Variants in LIPK observed in about 807,000 individuals in gnomAD.
LIPK encodes lipase family member K.
LIPK carries 32 observed loss-of-function variants against 48.6 expected under a neutral mutation model. The ratio of observed to expected loss-of-function variants is 0.66; its 90% confidence interval spans 0.50 to 0.88. The LOEUF (loss-of-function observed/expected upper bound fraction) is 0.88, where lower values mean the gene tolerates loss of function less well. Among genes scored for constraint, LIPK ranks in the 40% least tolerant of loss-of-function variants. LIPK has a pLI of 0.00. For missense variants in LIPK, 507 were observed against 478.5 expected (o/e 1.06, Z -0.56); for synonymous variants, 164 against 157.4 (o/e 1.04, Z -0.32).
At chr10:88,747,547 ACT>A (rs942681509) in intron 9 of LIPK, among the ~76,000 whole-genome samples, 11 of 152,096 alleles carry the variant, frequency 7.2e-5, no homozygotes, top group African/African-American at 2.4e-4. Flanking sequence ...CACAGAAAAG[ACT>A]CTTAAGAAAA....
chr10:88,726,943 T>C (rs1443842397), intron 3 of LIPK, 31 bp downstream of exon 3: 5 of 1,297,542 alleles, frequency 3.9e-6, no homozygotes, highest in Non-Finnish European at 5.5e-6. Context: ...AAAGGAAAAA[T>C]ACTTAAAGCA....
At chr10:88,709,872 C>T (rs936360634) in intron 1 of LIPK, among the ~76,000 whole-genome samples, 1 of 152,024 alleles carries the variant, frequency 6.6e-6, no homozygotes, top group Admixed American at 6.6e-5. Context: ...GGAGACCCTG[C>T]TTCAAACCAG....
At chr10:88,739,905 GA>G (rs1842646199) in intron 7 of LIPK, 90 bp from the exon 8 acceptor site, 1 of 718,096 alleles carries the variant, frequency 1.4e-6, no homozygotes, top group African/African-American at 1.8e-5. Flanking sequence ...GGGAAAAGAG[GA>G]AAAGAAGAAA....
At chr10:88,746,146 C>T (rs1842762227) in intron 9 of LIPK, among the ~76,000 whole-genome samples, 1 of 152,108 alleles carries the variant, frequency 6.6e-6, no homozygotes, top group Non-Finnish European at 1.5e-5. Flanking sequence ...TAGAGACCTA[C>T]AAAGAGACTT....
At chr10:88,747,110 G>C (rs1347981436) in intron 9 of LIPK, among the ~76,000 whole-genome samples, 1 of 152,088 alleles carries the variant, frequency 6.6e-6, no homozygotes, top group Non-Finnish European at 1.5e-5. Context: ...TTCCAAAACT[G>C]AATCAGTACT....
intron 7 of LIPK, 128 bp from the exon 8 acceptor site, chr10:88,739,868 A>AAAATAT: frequency 1.8e-6 from 1 of 543,802 alleles, no homozygotes; most frequent in Non-Finnish European, 3.1e-6. Context: ...AATAAAAATA[A>AAAATAT]AAATAAAAAT....
At chr10:88,738,385 A>G (rs1590154331) in intron 7 of LIPK, among the ~76,000 whole-genome samples, 1 of 152,104 alleles carries the variant, frequency 6.6e-6, no homozygotes, top group Non-Finnish European at 1.5e-5. Context: ...AACCAGAAGT[A>G]GGATAAGGCT....
intron 3 of LIPK, among the ~76,000 whole-genome samples, chr10:88,730,456 T>A (rs1375173629): frequency 6.6e-6 from 1 of 151,896 alleles, no homozygotes; most frequent in East Asian, 1.9e-4. Flanking sequence ...GCCCGGCTAG[T>A]TTTTTTGTAT....
intron 6 of LIPK, among the ~76,000 whole-genome samples, chr10:88,736,269 T>C (rs1448467325): frequency 6.6e-6 from 1 of 152,096 alleles, no homozygotes; most frequent in East Asian, 1.9e-4. Context: ...GTTCAAACCA[T>C]ACTTCTCAAT....
intron 6 of LIPK, among the ~76,000 whole-genome samples, chr10:88,734,579 T>G (rs558342534): frequency 1.3e-5 from 2 of 152,244 alleles, no homozygotes; most frequent in Admixed American, 1.3e-4. Context: ...TTTAGAAAGA[T>G]TCCCCTGGGA....
chr10:88,707,447 C>G (rs1841955798), intron 1 of LIPK, among the ~76,000 whole-genome samples: 1 of 152,098 alleles, frequency 6.6e-6, no homozygotes, highest in Non-Finnish European at 1.5e-5. Flanking sequence ...TTTGAAGGAA[C>G]AATCTTTCAG....
intron 1 of LIPK, among the ~76,000 whole-genome samples, chr10:88,717,046 G>A (rs1445107769): frequency 1.3e-5 from 2 of 152,154 alleles, no homozygotes; most frequent in Non-Finnish European, 2.9e-5. Context: ...GGAGCTGGGA[G>A]TCAGAACACC....
intron 6 of LIPK, among the ~76,000 whole-genome samples, chr10:88,737,061 G>T (rs963315867): frequency 6.6e-6 from 1 of 152,132 alleles, no homozygotes. Flanking sequence ...ATTTATGTGG[G>T]TTAAGCTTTT....
At chr10:88,736,097 C>T (rs1483479471) in intron 6 of LIPK, among the ~76,000 whole-genome samples, 4 of 151,572 alleles carry the variant, frequency 2.6e-5, no homozygotes, top group Non-Finnish European at 5.9e-5. Flanking sequence ...AGATTTCATA[C>T]TCCTCTTCCT....
At chr10:88,726,997 T>G in intron 3 of LIPK, 85 bp downstream of exon 3, 1 of 791,862 alleles carries the variant, frequency 1.3e-6, no homozygotes, top group African/African-American at 1.7e-5. Flanking sequence ...GTTTTTGTTC[T>G]GAAATTCTTA....
rs182191710 is a variant in LIPK, at chr10:88,752,238, C to A, written c.961-279C>A. ...AATGCTAACTAGAAAGATGATCCCC[C>A]ATGGAAAAAAGAATGCTCTTCCTCC... On this transcript the variant is annotated intron_variant, in intron 9 of 9. Transcript: ENST00000404190. 3.3e-5 allele frequency among the ~76,000 whole-genome samples: 5 copies of A among 152,190 alleles called. No homozygotes were observed. In the East Asian group the frequency reaches 9.7e-4, roughly 29 times the overall value.
chr10:88,709,579 C>T lies in LIPK; in HGVS notation c.-12+3259C>T, dbSNP rs149527828. Among the ~76,000 whole-genome samples the T allele has an allele frequency of 2.0e-3, 303 of 151,844 alleles. 3 individuals carry two copies. Among genetic ancestry groups the T allele is most frequent in the African/African-American group, 6.9e-3 (284 of 41,444 alleles). On this transcript the variant is annotated intron_variant, in intron 1 of 9. Transcript: ENST00000404190. ...TGAGAATGATGGCTTCCAGCCAAGACACAAAAATTATTTTTTATGATCTAT... is the reference window on the plus strand; with the variant it reads ...TGAGAATGATGGCTTCCAGCCAAGATACAAAAATTATTTTTTATGATCTAT...
intron 1 of LIPK, among the ~76,000 whole-genome samples, chr10:88,710,127 T>A (rs896978900): frequency 6.6e-6 from 1 of 151,942 alleles, no homozygotes; most frequent in Admixed American, 6.6e-5. Context: ...ATCTACAAGA[T>A]TAAATTAATA....
At chr10:88,713,260 A>G (rs541194198) in intron 1 of LIPK, among the ~76,000 whole-genome samples, 1 of 152,358 alleles carries the variant, frequency 6.6e-6, no homozygotes, top group African/African-American at 2.4e-5. Context: ...GCACCTACCA[A>G]TAGAGTTGTT....
Sources: gnomAD v4.1 joint callset for allele counts (sites outside exome capture counted in the v4.1 genomes callset) on GRCh38, gnomAD v4.1.1 for gene constraint, MANE v1.5 for transcripts, NCBI Gene and HGNC (gene_info 2026-07-23, HGNC 2026-07-21) for gene names.